The following REEP1 variants were observed in gnomAD, a reference collection of about 807,000 sequenced individuals.
The protein encoded by REEP1 is receptor accessory protein 1.
In REEP1, 22 loss-of-function variants were observed where a neutral mutation model predicts 40.3. The ratio of observed to expected loss-of-function variants is 0.55; its 90% CI spans 0.39 to 0.78. The LOEUF (loss-of-function observed/expected upper bound fraction) is 0.78. Ranked by LOEUF, REEP1 falls within the 30% of genes least tolerant of loss-of-function variation. The pLI is 0.00. For synonymous variants in REEP1, 116 were observed against 139.2 expected, an observed-to-expected ratio of 0.83 and a Z score of 1.17; for missense variants, 280 against 361.1, an observed-to-expected ratio of 0.78 and a Z score of 1.82.
intron 1 of REEP1, among the ~76,000 whole-genome samples, chr2:86,307,017 C>A (rs1679514373): frequency 6.6e-6 from 1 of 151,928 alleles, no homozygotes. Flanking sequence ...CCAGCCTGGT[C>A]AACATGGTGA....
chr2:86,238,123 G>A (rs1052783013), intron 5 of REEP1, among the ~76,000 whole-genome samples: 1 of 152,104 alleles, frequency 6.6e-6, no homozygotes, highest in Non-Finnish European at 1.5e-5. Context: ...AGAGGTTGAG[G>A]TGAGCCGAGA....
intron 1 of REEP1, among the ~76,000 whole-genome samples, chr2:86,306,147 T>G (rs1679469949): frequency 6.6e-6 from 1 of 152,168 alleles, no homozygotes; most frequent in African/African-American, 2.4e-5. Flanking sequence ...TATTAAATTT[T>G]TTCCAGATTC....
chr2:86,336,064 T>A (rs1024127927), intron 1 of REEP1, among the ~76,000 whole-genome samples: 1 of 152,024 alleles, frequency 6.6e-6, no homozygotes, highest in Non-Finnish European at 1.5e-5. Context: ...CCACTGGCAA[T>A]ATCGATCCCA....
intron 4 of REEP1, among the ~76,000 whole-genome samples, chr2:86,252,903 T>C (rs1574037081): frequency 6.6e-6 from 1 of 152,174 alleles, no homozygotes; most frequent in East Asian, 1.9e-4. Flanking sequence ...AGTACAATAT[T>C]GGTTTAGTTC....
chr2:86,232,477 G>T, intron 6 of REEP1, 148 bp downstream of exon 6: 1 of 1,004,494 alleles, frequency 1.0e-6, no homozygotes, highest in Non-Finnish European at 1.5e-6. Context: ...TCCGCCCCTT[G>T]GCTGACCTGG....
chr2:86,246,101 T>G (rs567683981), intron 5 of REEP1, among the ~76,000 whole-genome samples: 2 of 152,270 alleles, frequency 1.3e-5, no homozygotes, highest in African/African-American at 4.8e-5. Context: ...TTTAAACAGC[T>G]ACATGTGGCA....
intron 2 of REEP1, among the ~76,000 whole-genome samples, chr2:86,271,054 T>TG (rs1478645142): frequency 6.6e-6 from 1 of 151,852 alleles, no homozygotes; most frequent in East Asian, 1.9e-4. Context: ...TAGCTGGGCA[T>TG]GGTGGTGAGT....
intron 1 of REEP1, among the ~76,000 whole-genome samples, chr2:86,284,428 G>A (rs903324566): frequency 2.6e-4 from 39 of 152,294 alleles, no homozygotes; most frequent in African/African-American, 8.2e-4. Flanking sequence ...GGCTCAGTAA[G>A]TACGTGTTCA....
chr2:86,231,843 T>C (rs1675033980), intron 6 of REEP1, among the ~76,000 whole-genome samples: 1 of 152,166 alleles, frequency 6.6e-6, no homozygotes, highest in African/African-American at 2.4e-5. Context: ...GTGGATCCGA[T>C]GTCGGGGGGT....
At position 86,214,594 on chromosome 2, in the gene REEP1, A is replaced by G. The variant is rs1558859766; in HGVS notation, c.*2445T>C. On this transcript the variant is annotated 3_prime_UTR_variant, in exon 9 of 9. Transcript: ENST00000538924. ...TCTAGACAGAACACCACACCACTAC[A>G]TGTACACTTACAGGCTTTCACATTT... 1.3e-5 allele frequency: 2 copies of G among 152,662 alleles called. No individual in the cohort carries two copies. Among genetic ancestry groups the G allele is most frequent in the South Asian group, 2.1e-4 (1 of 4,832 alleles). The allele number at this position is 152,662 out of a possible 1,614,324, so 9.5% of individuals were successfully genotyped here. A position where few individuals can be genotyped will look rare whatever the true frequency, so the allele number is the denominator to read the frequency against.
At chr2:86,262,411 A>G (rs1388350502) in intron 3 of REEP1, among the ~76,000 whole-genome samples, 1 of 152,272 alleles carries the variant, frequency 6.6e-6, no homozygotes, top group Non-Finnish European at 1.5e-5. Flanking sequence ...CTACCTGTGC[A>G]CAGTGCAGGG....
At chr2:86,246,099 G>C (rs1039864853) in intron 5 of REEP1, among the ~76,000 whole-genome samples, 1 of 152,136 alleles carries the variant, frequency 6.6e-6, no homozygotes, top group Non-Finnish European at 1.5e-5. Flanking sequence ...AATTTAAACA[G>C]CTACATGTGG....
At chr2:86,218,966 C>T (rs1247574230) in intron 8 of REEP1, among the ~76,000 whole-genome samples, 8 of 152,192 alleles carry the variant, frequency 5.3e-5, no homozygotes, top group African/African-American at 1.9e-4. Context: ...CCGTGATACT[C>T]AGCAGATGGG....
intron 1 of REEP1, among the ~76,000 whole-genome samples, chr2:86,301,478 T>C (rs150162129): frequency 4.9e-4 from 75 of 152,346 alleles, no homozygotes; most frequent in African/African-American, 1.8e-3. Context: ...CCCTCATCTA[T>C]AAAAATAACT....
intron 1 of REEP1, among the ~76,000 whole-genome samples, chr2:86,323,526 A>T (rs1252373260): frequency 6.6e-6 from 1 of 152,184 alleles, no homozygotes; most frequent in African/African-American, 2.4e-5. Context: ...CACGAATCCT[A>T]TTGTGAATTG....
Position 86,216,939 on chromosome 2 carries a change from C to G in REEP1, c.*100G>C. 2.0e-6 allele frequency: 2 copies of G among 977,462 alleles called. No homozygotes were observed. Among genetic ancestry groups the G allele is most frequent in the Non-Finnish European group, 3.2e-6 (2 of 619,786 alleles). 60.5% of individuals were successfully genotyped at this position (977,462 alleles called of 1,614,324 possible). On this transcript the variant is annotated 3_prime_UTR_variant, in exon 9 of 9. Transcript: ENST00000538924. ...GGCCATGTTTGTGAGGCTGCACACT[C>G]AAAGCACACCCAGCTTGCGGATTTC...
intron 2 of REEP1, among the ~76,000 whole-genome samples, chr2:86,277,549 CTG>C (rs961085001): frequency 7.3e-6 from 1 of 137,342 alleles, no homozygotes; most frequent in African/African-American, 2.6e-5. Flanking sequence ...GAGCGAGACT[CTG>C]TATCAAAAAA....
chr2:86,238,554 C>T (rs1026832704), intron 5 of REEP1, among the ~76,000 whole-genome samples: 6 of 152,194 alleles, frequency 3.9e-5, no homozygotes, highest in African/African-American at 1.4e-4. Flanking sequence ...ATGGAGCTGC[C>T]GCCTGGGTGA....
chr2:86,299,694 T>C (rs1679171773), intron 1 of REEP1, among the ~76,000 whole-genome samples: 1 of 152,194 alleles, frequency 6.6e-6, no homozygotes, highest in African/African-American at 2.4e-5. Context: ...AGAGTAGCAA[T>C]TAATATTGGC....
Sources: allele counts gnomAD v4.1 joint callset (sites outside exome capture counted in the v4.1 genomes callset), GRCh38; gene constraint gnomAD v4.1.1; transcripts MANE v1.5; gene names NCBI Gene and HGNC (gene_info 2026-07-23, HGNC 2026-07-21).